RUBCN: variants seen among roughly 807,000 people sequenced by gnomAD.
The protein encoded by RUBCN is rubicon autophagy regulator, also known as run domain Beclin-1-interacting and cysteine-rich domain-containing protein.
In RUBCN, 74 loss-of-function variants were observed where a neutral mutation model predicts 113.2. The observed-to-expected ratio is 0.65, with a 90% CI of 0.54 to 0.79. RUBCN has a LOEUF of 0.79. Among genes scored for constraint, RUBCN ranks in the 30% least tolerant of loss-of-function variants. The pLI is 0.00. For missense variants in RUBCN, 1,109 were observed against 1,251.7 expected, an observed-to-expected ratio of 0.89 and a Z score of 1.72; for synonymous variants, 480 against 490.0, an observed-to-expected ratio of 0.98 and a Z score of 0.27.
chr3:197,740,662 C>A (rs1728490060), upstream of RUBCN, among the ~76,000 whole-genome samples: 1 of 151,284 alleles, frequency 6.6e-6, no homozygotes, highest in African/African-American at 2.4e-5. Flanking sequence ...GCTGTGTTGC[C>A]CAGGCTGGAG....
intron 1 of RUBCN, among the ~76,000 whole-genome samples, chr3:197,745,545 G>A (rs1404421599): frequency 6.6e-6 from 1 of 151,932 alleles, no homozygotes; most frequent in Non-Finnish European, 1.5e-5. Context: ...AATCCGGGAG[G>A]CAGAGGTTGT....
At chr3:197,702,298 T>C (rs1343295195) in intron 5 of RUBCN, among the ~76,000 whole-genome samples, 2 of 152,236 alleles carry the variant, frequency 1.3e-5, no homozygotes, top group African/African-American at 2.4e-5. Flanking sequence ...AATGACATGA[T>C]ACATTTATCA....
chr3:197,677,348 C>T (rs1033614826), intron 17 of RUBCN, 132 bp downstream of exon 17: 16 of 808,296 alleles, frequency 2.0e-5, no homozygotes, highest in Admixed American at 5.5e-5. Flanking sequence ...GCTGTGGCCT[C>T]CTGTTTACCA....
chr3:197,732,620 G>C (rs1258391679), intron 1 of RUBCN, among the ~76,000 whole-genome samples: 1 of 152,230 alleles, frequency 6.6e-6, no homozygotes, highest in Non-Finnish European at 1.5e-5. Context: ...GTGTAGTGTA[G>C]TAGTTTTACC....
chr3:197,696,518 T>C (rs1156859105), intron 8 of RUBCN, among the ~76,000 whole-genome samples: 1 of 152,084 alleles, frequency 6.6e-6, no homozygotes, highest in Non-Finnish European at 1.5e-5. Flanking sequence ...CCTCGTACCA[T>C]ACAGTAAAGA....
At chr3:197,721,997 G>C (rs1159436016) in intron 1 of RUBCN, among the ~76,000 whole-genome samples, 1 of 152,114 alleles carries the variant, frequency 6.6e-6, no homozygotes, top group Non-Finnish European at 1.5e-5. Context: ...CCAGCACTTT[G>C]GGAGTCCGAG....
chr3:197,691,294 T>C (rs956825281), intron 11 of RUBCN: 3 of 426,454 alleles, frequency 7.0e-6, no homozygotes, highest in African/African-American at 2.0e-5. Context: ...CTTGGGTAGG[T>C]GCTCACTCTA....
chr3:197,697,037 T>C lies in RUBCN; in HGVS notation c.1274A>G (p.Asp425Gly). The change falls in exon 8 of 20, where the codon GAT becomes GGT. Residue 425 changes from aspartate (D) to glycine (G), a missense_variant. Around this residue, in one of 3 missense-constraint regions of RUBCN, gnomAD observed 736 missense variants for 779.6 expected, o/e 0.94. Coordinates refer to ENST00000296343, the MANE Select transcript of RUBCN (RefSeq NM_014687.4). ...CAAAGGGCCTCTCAACTTCGCCTTA[T>C]CATTGCAGGATTCTAATGACGATGA... is the stretch of plus-strand genomic sequence containing the variant. ...ASRGAPESCN[D>G]KAKLRGPLPY... 2 of 1,584,792 alleles carry C rather than the reference T, an allele frequency of 1.3e-6. No homozygotes were observed. The highest frequency in any genetic ancestry group is 1.7e-6 in the Non-Finnish European group (2 of 1,153,318).
rs1161918878 is a variant in RUBCN, at chr3:197,724,631, C to T, written c.66-6501G>A. Among the ~76,000 whole-genome samples the T allele has an allele frequency of 3.3e-5, 5 of 152,060 alleles. No homozygotes were observed. In the East Asian group the frequency reaches 9.6e-4, roughly 29 times the overall value. On this transcript the variant is annotated intron_variant, in intron 1 of 19. Transcript: ENST00000296343. ...GTCCCAAGTCAGGTAATGATTTGAT[C>T]CCCAAAGTGGAGGAAGAAAGATGTG... is the stretch of plus-strand genomic sequence containing the variant.
rs1220355305 is a variant in RUBCN at position 197,672,096 on chromosome 3, CG to C, written c.*2921del. On this transcript the variant is annotated 3_prime_UTR_variant, in exon 20 of 20. Coordinates refer to ENST00000296343, the MANE Select transcript of RUBCN (RefSeq NM_014687.4). Reference sequence around the variant, plus strand: ...CAGTTCAGAGCACGGGCGGCACACACGGAACATCTCTACTAAGACTCGCACT... The same window carrying C: ...CAGTTCAGAGCACGGGCGGCACACACGAACATCTCTACTAAGACTCGCACT... 1.3e-5 allele frequency: 2 copies of C among 152,240 alleles called. No individual in the cohort carries two copies. The highest frequency in any genetic ancestry group is 6.5e-5 in the Admixed American group (1 of 15,282). The allele number at this position is 152,240 out of a possible 1,614,324, so 9.4% of individuals were successfully genotyped here.
intron 11 of RUBCN, among the ~76,000 whole-genome samples, chr3:197,687,409 T>C (rs1034403774): frequency 6.6e-6 from 1 of 152,250 alleles, no homozygotes; most frequent in Non-Finnish European, 1.5e-5. Context: ...TATCAATTTA[T>C]TGTCTTTCAA....
At chr3:197,677,123 A>G in intron 17 of RUBCN, 85 bp from the exon 18 acceptor site, 1 of 1,430,436 alleles carries the variant, frequency 7.0e-7, no homozygotes, top group Non-Finnish European at 9.8e-7. Flanking sequence ...CAGAAACTGC[A>G]GAAAGTAATG....
chr3:197,737,578 G>C (rs1186557536), upstream of RUBCN, among the ~76,000 whole-genome samples: 1 of 152,048 alleles, frequency 6.6e-6, no homozygotes, highest in Non-Finnish European at 1.5e-5. Flanking sequence ...GTGAGCAGCA[G>C]CATGGTGTGG....
intron 16 of RUBCN, among the ~76,000 whole-genome samples, chr3:197,680,798 A>G (rs1157133629): frequency 6.6e-6 from 1 of 152,044 alleles, no homozygotes; most frequent in Non-Finnish European, 1.5e-5. Flanking sequence ...TTTTGCCCTC[A>G]AGTGCTATCT....
rs1719748549 is a variant in RUBCN, at chr3:197,671,116, G to C, written c.*3902C>G. Among the ~76,000 whole-genome samples, 1 of 152,190 alleles carries C rather than the reference G, an allele frequency of 6.6e-6. No homozygotes were observed. Among genetic ancestry groups the C allele is most frequent in the African/African-American group, 2.4e-5 (1 of 41,426 alleles). ...TGCAGCCCTCGCCTTCCAGGTTCAA[G>C]TGATTCTCATGATTCAGCCTCCCGA... On this transcript the variant is annotated 3_prime_UTR_variant, in exon 20 of 20. Transcript: ENST00000296343.
At position 197,675,038 on chromosome 3, in the gene RUBCN, C is replaced by T. The variant is rs750063300; in HGVS notation, c.2899G>A (p.Ala967Thr). 5.6e-6 allele frequency: 9 copies of T among 1,612,490 alleles called. No individual in the cohort carries two copies. Among genetic ancestry groups the T allele is most frequent in the East Asian group, 4.5e-5 (2 of 44,894 alleles). Reference sequence around the variant, plus strand: ...TTTCTTCAGGTGGCCTCCAGGACGGCGGCTTCCAGGGCCAGCGCTTCCGCG... The same window carrying T: ...TTTCTTCAGGTGGCCTCCAGGACGGTGGCTTCCAGGGCCAGCGCTTCCGCG... ...EPAEALALEAAVLEAT is the reference protein window; with the variant it reads ...EPAEALALEATVLEAT Residue 967 changes from alanine to threonine, a missense_variant, in exon 20 of 20, where the codon GCC (alanine) becomes ACC (threonine). Transcript: ENST00000296343. The surrounding 1 kb of genome is among the most constrained non-coding windows in gnomAD (Gnocchi z 4.4).
rs1422401457 is a variant in RUBCN at position 197,700,703 on chromosome 3, C to A, written c.1171G>T (p.Glu391Ter). The A allele has an allele frequency of 1.9e-6, 3 of 1,614,214 alleles. No individual in the cohort carries two copies. In the Admixed American group the frequency reaches 5.0e-5, roughly 27 times the overall value. Residue 391 changes from glutamate (E) to a stop codon, truncating the protein, a stop_gained, in exon 7 of 20, where the codon GAG (glutamate) becomes TAG (stop). Coordinates refer to ENST00000296343, the MANE Select transcript of RUBCN (RefSeq NM_014687.4). LOFTEE classifies it high-confidence loss of function. The stretch of plus-strand genomic sequence containing the variant: ...CTGGTGACAGTGAGTGTCTGCCCCT[C>A]TGAGAAGCTGGACCTGCGGAGGACA... ...SSVLRRSSFSEGQTLTVTSGA... is the reference protein window; with the variant it reads ...SSVLRRSSFS
chr3:197,709,086 T>C (rs1339392429), intron 2 of RUBCN, among the ~76,000 whole-genome samples: 1 of 152,184 alleles, frequency 6.6e-6, no homozygotes, highest in African/African-American at 2.4e-5. Flanking sequence ...TTTGACCCAA[T>C]ATCCTAAGAT....
At chr3:197,684,876 G>A (rs963969149) in intron 11 of RUBCN, among the ~76,000 whole-genome samples, 1 of 152,114 alleles carries the variant, frequency 6.6e-6, no homozygotes, top group Non-Finnish European at 1.5e-5. Context: ...TACCCCGAAT[G>A]TTAGAAGTGT....
Sources: gnomAD v4.1 joint callset for allele counts (sites outside exome capture counted in the v4.1 genomes callset) on GRCh38, gnomAD v4.1.1 for gene constraint, gnomAD v4.1.1 regional missense constraint, Gnocchi (gnomAD v3.1) non-coding constraint, MANE v1.5 for transcripts, NCBI Gene and HGNC (gene_info 2026-07-23, HGNC 2026-07-21) for gene names.